CLDN14: variants seen among roughly 807,000 people sequenced by gnomAD.
CLDN14 encodes claudin 14.
CLDN14 carries 2 observed loss-of-function variants against 2.1 expected under a neutral mutation model. That is an observed-to-expected ratio of 0.96 (90% CI 0.39 to 3.01). The LOEUF (loss-of-function observed/expected upper bound fraction) is 3.01, where lower values mean the gene tolerates loss of function less well. Among genes scored for constraint, CLDN14 ranks in the 30% most tolerant of loss-of-function variants. The pLI is 0.09. For missense variants in CLDN14, 298 were observed against 328.0 expected, an observed-to-expected ratio of 0.91 and a Z score of 0.71; for synonymous variants, 136 against 154.4, an observed-to-expected ratio of 0.88 and a Z score of 0.88.
intron 1 of CLDN14, among the ~76,000 whole-genome samples, chr21:36,558,746 C>T: frequency 7.1e-6 from 1 of 140,326 alleles, no homozygotes. Context: ...TCATTTATTA[C>T]TTCTAACAAG....
chr21:36,484,489 C>A (rs144386008), upstream of CLDN14, among the ~76,000 whole-genome samples: 3 of 152,282 alleles, frequency 2.0e-5, no homozygotes, highest in Non-Finnish European at 4.4e-5. Context: ...AAAACCAAGA[C>A]GCTAGCAGGG....
intron 1 of CLDN14, among the ~76,000 whole-genome samples, chr21:36,540,023 GTGTA>G (rs2087474148): frequency 1.3e-5 from 2 of 150,210 alleles, no homozygotes; most frequent in South Asian, 4.2e-4. Context: ...TGTGTGGTAT[GTGTA>G]TGGTGTGGTG....
At chr21:36,532,725 T>A (rs1206765295) in intron 1 of CLDN14, among the ~76,000 whole-genome samples, 7 of 152,216 alleles carry the variant, frequency 4.6e-5, no homozygotes, top group Admixed American at 3.9e-4. Context: ...GAAGGGCTTC[T>A]CTTTCGAGAA....
intron 1 of CLDN14, among the ~76,000 whole-genome samples, chr21:36,570,104 G>A (rs1019981591): frequency 3.3e-5 from 5 of 152,134 alleles, no homozygotes; most frequent in Admixed American, 6.5e-5. Context: ...GGACAACTCC[G>A]GGGATGGCTT....
At chr21:36,486,188 G>T in intron 2 of CLDN14, 1 of 1,052,618 alleles carries the variant, frequency 9.5e-7, no homozygotes. Flanking sequence ...GGCTGAGCTG[G>T]CATCAATGTC....
chr21:36,566,267 G>C, intron 1 of CLDN14, among the ~76,000 whole-genome samples: 1 of 152,192 alleles, frequency 6.6e-6, no homozygotes, highest in East Asian at 1.9e-4. Flanking sequence ...TTATAGGATT[G>C]TTAGAAAGAT....
At chr21:36,525,721 T>C (rs1282237875) in intron 1 of CLDN14, among the ~76,000 whole-genome samples, 2 of 152,170 alleles carry the variant, frequency 1.3e-5, no homozygotes, top group East Asian at 3.9e-4. Context: ...AAGCCGAGGC[T>C]CTGCCATTGA....
intron 1 of CLDN14, among the ~76,000 whole-genome samples, chr21:36,571,030 C>T (rs1307176877): frequency 6.6e-6 from 1 of 152,118 alleles, no homozygotes; most frequent in African/African-American, 2.4e-5. Flanking sequence ...TTAGTAGAGA[C>T]AGGGTTTCAC....
intron 1 of CLDN14, among the ~76,000 whole-genome samples, chr21:36,570,589 T>G (rs891199582): frequency 1.3e-5 from 2 of 150,124 alleles, no homozygotes; most frequent in Non-Finnish European, 3.0e-5. Context: ...TGTAAATGAA[T>G]GTATTCTTAT....
At chr21:36,529,872 C>G (rs1043405179) in intron 1 of CLDN14, among the ~76,000 whole-genome samples, 1 of 152,132 alleles carries the variant, frequency 6.6e-6, no homozygotes, top group Non-Finnish European at 1.5e-5. Flanking sequence ...TGCAGAACAA[C>G]GTAGTGCTGT....
intron 1 of CLDN14, among the ~76,000 whole-genome samples, chr21:36,514,228 G>A (rs2087206749): frequency 6.6e-6 from 1 of 152,200 alleles, no homozygotes; most frequent in Non-Finnish European, 1.5e-5. Context: ...GATATTTGGA[G>A]GGAAGTTTTC....
chr21:36,515,806 A>ATTTTTTTTTT (rs2087224620), intron 1 of CLDN14, among the ~76,000 whole-genome samples: 1 of 8,022 alleles, frequency 1.2e-4, no homozygotes, highest in African/African-American at 3.0e-4. Context: ...TTTTTTTTTG[A>ATTTTTTTTTT]GACAGAGTCT....
At chr21:36,483,879 A>T (rs535307011), upstream of CLDN14, among the ~76,000 whole-genome samples, 29 of 152,260 alleles carry the variant, frequency 1.9e-4, no homozygotes, top group African/African-American at 6.5e-4. Flanking sequence ...CCTGCTGGTG[A>T]TATAGGCAGG....
chr21:36,507,669 C>T (rs775722117), intron 2 of CLDN14, among the ~76,000 whole-genome samples: 1 of 152,070 alleles, frequency 6.6e-6, no homozygotes, highest in African/African-American at 2.4e-5. Flanking sequence ...CAGGCTGAGG[C>T]GGGAGAATCA....
intron 2 of CLDN14, chr21:36,485,995 T>G (rs2086891380): frequency 6.9e-7 from 1 of 1,459,496 alleles, no homozygotes. Flanking sequence ...ACTTCTTGTC[T>G]TCCTCCTTCT....
chr21:36,514,447 G>A (rs952931187), intron 1 of CLDN14, among the ~76,000 whole-genome samples: 29 of 152,178 alleles, frequency 1.9e-4, no homozygotes, highest in African/African-American at 3.6e-4. Context: ...TTTCCACAGT[G>A]CGCCAGAAGC....
chr21:36,553,347 G>A (rs1344074536), intron 1 of CLDN14, among the ~76,000 whole-genome samples: 1 of 152,168 alleles, frequency 6.6e-6, no homozygotes, highest in Admixed American at 6.5e-5. Context: ...CAACACAGGA[G>A]GGGGCCAGCT....
chr21:36,464,179 C>CTG (rs2086615930), intron 1 of CLDN14, among the ~76,000 whole-genome samples: 1 of 151,968 alleles, frequency 6.6e-6, no homozygotes, highest in Non-Finnish European at 1.5e-5. Flanking sequence ...TCCCCTCTCT[C>CTG]TCTTCCTCCT....
chr21:36,526,092 A>C (rs1441464566), intron 1 of CLDN14, among the ~76,000 whole-genome samples: 4 of 152,288 alleles, frequency 2.6e-5, no homozygotes, highest in Non-Finnish European at 5.9e-5. Flanking sequence ...TGAGAACCAC[A>C]GATTGGAATC....
Sources: allele counts gnomAD v4.1 joint callset (sites outside exome capture counted in the v4.1 genomes callset), GRCh38; gene constraint gnomAD v4.1.1; transcripts MANE v1.5; gene names NCBI Gene and HGNC (gene_info 2026-07-23, HGNC 2026-07-21).